The following STK39 variants were observed in gnomAD, a reference collection of about 807,000 sequenced individuals.
STK39 encodes the protein serine/threonine kinase 39, also known as STE20/SPS1-related proline-alanine-rich protein kinase.
STK39 carries 20 observed loss-of-function variants against 77.8 expected under a neutral mutation model. The ratio of observed to expected loss-of-function variants is 0.26; its 90% confidence interval spans 0.18 to 0.37. The LOEUF (loss-of-function observed/expected upper bound fraction) is 0.37. Ranked by LOEUF, STK39 falls within the 10% of genes least tolerant of loss-of-function variation. STK39 has a pLI of 1.00. For synonymous variants in STK39, 246 were observed against 234.1 expected, an observed-to-expected ratio of 1.05 and a Z score of -0.47; for missense variants, 479 against 656.5, an observed-to-expected ratio of 0.73 and a Z score of 2.95.
At chr2:167,980,329 T>C (rs73026962) in intron 16 of STK39, among the ~76,000 whole-genome samples, 24,406 of 152,126 alleles carry the variant, frequency 0.16, 2,112 homozygotes, top group Middle Eastern at 0.21. Context: ...AGGCAACACA[T>C]AACTTCCCAG....
intron 14 of STK39, among the ~76,000 whole-genome samples, chr2:168,019,503 C>A (rs1292563365): frequency 6.6e-6 from 1 of 152,018 alleles, no homozygotes; most frequent in South Asian, 2.1e-4. Flanking sequence ...CGTACCCTTG[C>A]GAAGATATGG....
chr2:168,161,792 A>G lies in STK39; in HGVS notation c.623T>C (p.Ile208Thr). 6.2e-7 allele frequency: 1 copy of G among 1,607,628 alleles called. No individual in the cohort carries two copies. Reference protein sequence around the residue: ...ILLGEDGSVQIADFGVSAFLA... With the variant: ...ILLGEDGSVQTADFGVSAFLA... The stretch of plus-strand genomic sequence containing the variant: ...TTTCTATTTATCAGCTTTACCTGCT[A>G]TTTGTACTGAACCATCCTCACCCAG... Residue 208 changes from isoleucine (I) to threonine (T), a missense_variant, in exon 5 of 18, where the codon ATA becomes ACA. Ile to Thr is a moderately conservative substitution (Grantham distance 89). This residue lies in a region of STK39 where 139 missense variants were observed against 280.6 expected (regional missense o/e 0.50). Transcript: ENST00000355999.
intron 14 of STK39, among the ~76,000 whole-genome samples, chr2:168,056,008 A>G (rs1425328336): frequency 6.6e-6 from 1 of 152,196 alleles, no homozygotes. Flanking sequence ...CATATATACT[A>G]TGGACAAAAA....
chr2:168,143,010 G>A (rs1688035865), intron 5 of STK39, among the ~76,000 whole-genome samples: 1 of 152,186 alleles, frequency 6.6e-6, no homozygotes, highest in Admixed American at 6.5e-5. Context: ...GTGAAAAGCT[G>A]TCCTTGTTTC....
intron 14 of STK39, among the ~76,000 whole-genome samples, chr2:168,041,941 T>C (rs1427156336): frequency 6.6e-6 from 1 of 152,192 alleles, no homozygotes; most frequent in Non-Finnish European, 1.5e-5. Context: ...AGGTTCTTTA[T>C]AGAAAGAACC....
chr2:168,074,538 A>C (rs1168822464), intron 12 of STK39, among the ~76,000 whole-genome samples: 1 of 152,206 alleles, frequency 6.6e-6, no homozygotes, highest in Non-Finnish European at 1.5e-5. Flanking sequence ...AGACCAACAG[A>C]CTCAACCAAG....
chr2:168,242,546 C>CA (rs1186813675), intron 1 of STK39, among the ~76,000 whole-genome samples: 588 of 17,514 alleles, frequency 0.034, 65 homozygotes, highest in South Asian at 0.11. Flanking sequence ...AAGACTCTTA[C>CA]AAAAAAAAAA....
intron 4 of STK39, chr2:168,163,493 T>G: frequency 1.5e-6 from 1 of 671,148 alleles, no homozygotes. Flanking sequence ...ATTCTCTTGT[T>G]TCTTTCTTAA....
intron 16 of STK39, among the ~76,000 whole-genome samples, chr2:167,979,869 C>T (rs141829726): frequency 7.0e-4 from 106 of 152,314 alleles, no homozygotes; most frequent in Non-Finnish European, 1.2e-3. Flanking sequence ...AGGGAATCCA[C>T]CCAACTGTGA....
At position 168,234,372 on chromosome 2, in the gene STK39, T is replaced by C. The variant is rs542102413; in HGVS notation, c.208+12856A>G. Among the ~76,000 whole-genome samples, 4 of 152,334 alleles carry C rather than the reference T, an allele frequency of 2.6e-5. No individual in the cohort carries two copies. In the South Asian group the frequency reaches 8.3e-4, roughly 32 times the overall value. ...ACCCTATTTCTTTAACTTTACTTAA[T>C]TAATTTAAATGTAAATAGCCACATA... On this transcript the variant is annotated intron_variant, in intron 1 of 17. Transcript: ENST00000355999.
At chr2:167,973,229 A>C (rs1280361725) in intron 16 of STK39, among the ~76,000 whole-genome samples, 1 of 151,908 alleles carries the variant, frequency 6.6e-6, no homozygotes, top group Non-Finnish European at 1.5e-5. Flanking sequence ...TTTAAAGATT[A>C]TTGGTAAAAT....
At chr2:168,109,710 A>G (rs548327659) in intron 10 of STK39, among the ~76,000 whole-genome samples, 2 of 152,352 alleles carry the variant, frequency 1.3e-5, no homozygotes, top group East Asian at 1.9e-4. Context: ...ACAAGTCTAC[A>G]TCCTGACCAA....
At chr2:168,242,268 A>G (rs993822649) in intron 1 of STK39, among the ~76,000 whole-genome samples, 15 of 152,104 alleles carry the variant, frequency 9.9e-5, no homozygotes, top group African/African-American at 3.6e-4. Context: ...CACAATAAAA[A>G]TAATACAAAA....
At chr2:168,030,483 T>A (rs889654415) in intron 14 of STK39, among the ~76,000 whole-genome samples, 9 of 152,212 alleles carry the variant, frequency 5.9e-5, no homozygotes, top group African/African-American at 2.2e-4. Flanking sequence ...AATGTATATG[T>A]GTAATCGAAT....
At chr2:168,016,975 A>C (rs184094873) in intron 15 of STK39, 68 bp downstream of exon 15, 1 of 1,280,668 alleles carries the variant, frequency 7.8e-7, no homozygotes, top group African/African-American at 1.5e-5. Flanking sequence ...GATTATAACC[A>C]CATGCTTGTA....
At chr2:168,161,699 T>A in intron 5 of STK39, 88 bp downstream of exon 5, 1 of 901,642 alleles carries the variant, frequency 1.1e-6, no homozygotes, top group Non-Finnish European at 1.7e-6. Context: ...TACATGCATT[T>A]ATTCATTTCT....
intron 14 of STK39, among the ~76,000 whole-genome samples, chr2:168,044,420 A>G (rs1685186642): frequency 6.6e-6 from 1 of 152,208 alleles, no homozygotes; most frequent in Non-Finnish European, 1.5e-5. Flanking sequence ...ACTGAACATC[A>G]TAAAGTCAAT....
intron 1 of STK39, among the ~76,000 whole-genome samples, chr2:168,234,546 C>T (rs1001577821): frequency 2.0e-5 from 3 of 152,148 alleles, no homozygotes; most frequent in Non-Finnish European, 2.9e-5. Context: ...GTCTATTTCA[C>T]GTACTTTTCT....
chr2:168,050,136 C>T (rs1395499092), intron 14 of STK39, among the ~76,000 whole-genome samples: 1 of 152,186 alleles, frequency 6.6e-6, no homozygotes, highest in African/African-American at 2.4e-5. Flanking sequence ...TTGGCATACA[C>T]TGGGCACTCC....
Sources: allele counts gnomAD v4.1 joint callset (sites outside exome capture counted in the v4.1 genomes callset), GRCh38; gene constraint gnomAD v4.1.1; regional missense constraint gnomAD v4.1.1; transcripts MANE v1.5; gene names NCBI Gene and HGNC (gene_info 2026-07-23, HGNC 2026-07-21).